The following PIEZO2 variants were observed in gnomAD, a reference collection of about 807,000 sequenced individuals.
PIEZO2 encodes the protein piezo-type mechanosensitive ion channel component 2.
In PIEZO2, 172 loss-of-function variants were observed where a neutral mutation model predicts 337.3. The observed-to-expected ratio is 0.51, with a 90% CI of 0.45 to 0.58. The LOEUF is 0.58. Ranked by LOEUF, PIEZO2 falls within the 20% of genes least tolerant of loss-of-function variation. The pLI is 0.00. For synonymous variants in PIEZO2, 1,251 were observed against 1,228.5 expected, an observed-to-expected ratio of 1.02 and a Z score of -0.38; for missense variants, 3,028 against 3,391.3, an observed-to-expected ratio of 0.89 and a Z score of 2.66.
rs374572582 is a variant in PIEZO2, at chr18:10,944,204, T to G, written c.287-32976A>C. Among the ~76,000 whole-genome samples, 15 of 152,010 alleles carry G rather than the reference T, an allele frequency of 9.9e-5. No homozygotes were observed. The South Asian group carries it at 2.1e-3, about 21-fold the overall frequency. On this transcript the variant is annotated intron_variant, in intron 3 of 55. Transcript: ENST00000674853. Reference sequence around the variant, plus strand: ...CTCGGTGGATGAGGCAATCATCAGTTTGGGCACAAGTGAATAGGGGATCAG... The same window carrying G: ...CTCGGTGGATGAGGCAATCATCAGTGTGGGCACAAGTGAATAGGGGATCAG...
At position 10,789,383 on chromosome 18, in the gene PIEZO2, T is replaced by C. The variant is rs2039338014; in HGVS notation, c.1883-18A>G. 1 of 1,528,302 alleles carries C rather than the reference T, an allele frequency of 6.5e-7. No homozygotes were observed. Among genetic ancestry groups the C allele is most frequent in the Non-Finnish European group, 8.8e-7 (1 of 1,142,816 alleles). 94.7% of individuals were successfully genotyped at this position (1,528,302 alleles called of 1,614,324 possible). ...TTCCTCATCTTCAAATAGAAAACTG[T>C]GCTGTTATACTTAGCTGGTTATCTG... On this transcript the variant is annotated intron_variant, in intron 14 of 55. Coordinates refer to ENST00000674853, the MANE Select transcript of PIEZO2 (RefSeq NM_001378183.1).
In PIEZO2 at chr18:11,104,342, A is replaced by G. The variant is rs1243339228; in HGVS notation, c.65-38120T>C. On this transcript the variant is annotated intron_variant, in intron 1 of 55. Coordinates refer to ENST00000674853, the MANE Select transcript of PIEZO2 (RefSeq NM_001378183.1). The surrounding 1 kb of genome is among the most constrained non-coding windows in gnomAD (Gnocchi z 4.6). ...CTGTTAGCCCTAGCCACCCCACCTC[A>G]AGCCAGGAGGCTCTTTCTCCTAGAC... Among the ~76,000 whole-genome samples, 1 of 152,130 alleles carries G rather than the reference A, an allele frequency of 6.6e-6. No individual in the cohort carries two copies. The highest frequency in any genetic ancestry group is 6.5e-5 in the Admixed American group (1 of 15,272).
At chr18:10,747,573 C>T (rs2037474028) in intron 30 of PIEZO2, among the ~76,000 whole-genome samples, 1 of 152,146 alleles carries the variant, frequency 6.6e-6, no homozygotes, top group Non-Finnish European at 1.5e-5. Context: ...TCATTGTCAT[C>T]CACGGAATGA....
chr18:11,031,166 A>T lies in PIEZO2; in HGVS notation c.160+34961T>A, dbSNP rs1350986674. On this transcript the variant is annotated intron_variant, in intron 2 of 55. Transcript: ENST00000674853. This position sits in a 1 kb window ranked among gnomAD's most constrained non-coding sequence, Gnocchi z 4.7. Reference sequence around the variant, plus strand: ...CACCATGCCTGGCTAATTTTTTTGTATTTTTTTTTTTTTTAGTGGAGATGG... The same window carrying T: ...CACCATGCCTGGCTAATTTTTTTGTTTTTTTTTTTTTTTTAGTGGAGATGG... Among the ~76,000 whole-genome samples, 4 of 140,302 alleles carry T rather than the reference A, an allele frequency of 2.9e-5. No homozygotes were observed. Among genetic ancestry groups the T allele is most frequent in the African/African-American group, 1.0e-4 (4 of 38,322 alleles). 92.0% of individuals were successfully genotyped at this position (140,302 alleles called of 152,430 possible).
At chr18:10,816,963 T>C (rs768446296) in intron 7 of PIEZO2, among the ~76,000 whole-genome samples, 2 of 152,190 alleles carry the variant, frequency 1.3e-5, no homozygotes, top group African/African-American at 2.4e-5. Context: ...AAATTAGGCA[T>C]GGTACAATTA....
chr18:11,073,753 A>G (rs986250041), intron 1 of PIEZO2, among the ~76,000 whole-genome samples: 2 of 152,226 alleles, frequency 1.3e-5, no homozygotes, highest in Non-Finnish European at 2.9e-5. Flanking sequence ...GCTATTATTT[A>G]AGTGAGTTAT....
chr18:10,907,515 C>G (rs2030063513), intron 4 of PIEZO2, among the ~76,000 whole-genome samples: 1 of 152,076 alleles, frequency 6.6e-6, no homozygotes, highest in African/African-American at 2.4e-5. Context: ...TGCAGCCTAC[C>G]AATGACACAC....
In PIEZO2 at chr18:11,148,900, A is replaced by G. The variant is rs2040879765; in HGVS notation, c.-312T>C. ...ATCCGGCAGCGGCGGCGGCTTCTTCAGGGGTAGCTGATGCCGGGGCCTTGG... is the reference window on the plus strand; with the variant it reads ...ATCCGGCAGCGGCGGCGGCTTCTTCGGGGGTAGCTGATGCCGGGGCCTTGG... On this transcript the variant is annotated 5_prime_UTR_variant, in exon 1 of 56. Transcript: ENST00000674853. The surrounding 1 kb of genome is among the most constrained non-coding windows in gnomAD (Gnocchi z 5.2). 8.9e-6 allele frequency: 3 copies of G among 336,912 alleles called. No homozygotes were observed. Among genetic ancestry groups the G allele is most frequent in the African/African-American group, 2.2e-5 (1 of 46,012 alleles). 20.9% of individuals were successfully genotyped at this position (336,912 alleles called of 1,614,324 possible). A position where few individuals can be genotyped will look rare whatever the true frequency, so the allele number is the denominator to read the frequency against.
chr18:10,720,035 C>T (rs939132424), intron 36 of PIEZO2, among the ~76,000 whole-genome samples: 1 of 151,842 alleles, frequency 6.6e-6, no homozygotes, highest in Non-Finnish European at 1.5e-5. Context: ...GGAAGTACAT[C>T]TTGAGAATTT....
At chr18:11,000,821 A>C (rs2035505729) in intron 2 of PIEZO2, among the ~76,000 whole-genome samples, 1 of 152,136 alleles carries the variant, frequency 6.6e-6, no homozygotes, top group Non-Finnish European at 1.5e-5. Context: ...GAGCAGACTG[A>C]GGCAAAAGAG....
chr18:11,026,217 G>A (rs976600736), intron 2 of PIEZO2, among the ~76,000 whole-genome samples: 10 of 152,186 alleles, frequency 6.6e-5, no homozygotes, highest in African/African-American at 2.4e-4. Flanking sequence ...GGTTCTGGGT[G>A]CTTGTCTTCA....
intron 8 of PIEZO2, among the ~76,000 whole-genome samples, chr18:10,805,730 T>C (rs2039981999): frequency 6.6e-6 from 1 of 152,180 alleles, no homozygotes; most frequent in African/African-American, 2.4e-5. Flanking sequence ...ACAACTGTCA[T>C]CAGTGGCCTA....
Position 10,726,569 on chromosome 18 carries a change from C to T in PIEZO2, c.5029+4838G>A. 4.3e-6 allele frequency: 6 copies of T among 1,407,696 alleles called. No homozygotes were observed. Among genetic ancestry groups the T allele is most frequent in the Admixed American group, 2.5e-5 (1 of 39,608 alleles). 87.2% of individuals were successfully genotyped at this position (1,407,696 alleles called of 1,614,324 possible). On this transcript the variant is annotated intron_variant, in intron 36 of 55. Coordinates refer to ENST00000674853, the MANE Select transcript of PIEZO2 (RefSeq NM_001378183.1). The surrounding 1 kb of genome is among the most constrained non-coding windows in gnomAD (Gnocchi z 5.9). ...ACCAGCCGCCACGCTGTGCGTCTGT[C>T]CTTCCGCCAGCTCTTCCAGGACCTG...
intron 3 of PIEZO2, among the ~76,000 whole-genome samples, chr18:10,965,966 C>G (rs2033978952): frequency 6.6e-6 from 1 of 152,136 alleles, no homozygotes; most frequent in African/African-American, 2.4e-5. Context: ...AAAATAATGT[C>G]TGGTACAGAT....
intron 2 of PIEZO2, among the ~76,000 whole-genome samples, chr18:10,992,242 C>A (rs371691342): frequency 1.2e-4 from 19 of 152,190 alleles, no homozygotes; most frequent in African/African-American, 4.6e-4. Context: ...TACTTAGATC[C>A]CATTTGTCAA....
chr18:10,807,658 C>T (rs2040043249), intron 7 of PIEZO2, among the ~76,000 whole-genome samples: 2 of 152,170 alleles, frequency 1.3e-5, no homozygotes, highest in South Asian at 4.1e-4. Flanking sequence ...TATGTGGTAA[C>T]ATGTTACTAG....
intron 36 of PIEZO2, among the ~76,000 whole-genome samples, chr18:10,719,344 C>T (rs2036157707): frequency 1.3e-5 from 2 of 152,108 alleles, no homozygotes. Flanking sequence ...CCCTCAATCC[C>T]CCTGTCCCCA....
chr18:10,962,300 C>T lies in PIEZO2; in HGVS notation c.286+17235G>A, dbSNP rs1045739294. ...TCCCATCCATTCTGCATCTCCCCTC[C>T]GCTTGCCTGCAGCTTTTCCTGGTCA... On this transcript the variant is annotated intron_variant, in intron 3 of 55. Transcript: ENST00000674853. The surrounding 1 kb of genome is among the most constrained non-coding windows in gnomAD (Gnocchi z 4.1). Among the ~76,000 whole-genome samples, 2 of 152,200 alleles carry T rather than the reference C, an allele frequency of 1.3e-5. No homozygotes were observed. The highest frequency in any genetic ancestry group is 6.5e-5 in the Admixed American group (1 of 15,282).
chr18:11,074,152 T>C (rs2038444674), intron 1 of PIEZO2, among the ~76,000 whole-genome samples: 2 of 152,258 alleles, frequency 1.3e-5, no homozygotes, highest in South Asian at 4.1e-4. Context: ...AGCCAATAAC[T>C]GCTTCTTTAT....
Sources: allele counts gnomAD v4.1 joint callset (sites outside exome capture counted in the v4.1 genomes callset), GRCh38; gene constraint gnomAD v4.1.1; non-coding constraint Gnocchi (gnomAD v3.1); transcripts MANE v1.5; gene names NCBI Gene and HGNC (gene_info 2026-07-23, HGNC 2026-07-21).